Variants in PTPRT observed in about 807,000 individuals in gnomAD.
The protein encoded by PTPRT is protein tyrosine phosphatase receptor type T.
PTPRT carries 56 observed loss-of-function variants against 176.8 expected under a neutral mutation model. The ratio of observed to expected loss-of-function variants is 0.32; its 90% confidence interval spans 0.26 to 0.40. The LOEUF is 0.40. PTPRT is among the 10% of genes least tolerant of loss of function. The pLI is 1.00. For synonymous variants in PTPRT, 783 were observed against 739.0 expected (o/e 1.06, Z -0.96); for missense variants, 1,540 against 1,908.2 (o/e 0.81, Z 3.60).
At chr20:42,130,368 T>C (rs1036585439) in intron 18 of PTPRT, among the ~76,000 whole-genome samples, 6 of 152,182 alleles carry the variant, frequency 3.9e-5, no homozygotes, top group Admixed American at 3.9e-4. Context: ...GAAGCCACAG[T>C]GGGATTCTAG....
chr20:42,623,283 C>T (rs368716986), intron 7 of PTPRT, among the ~76,000 whole-genome samples: 34 of 152,158 alleles, frequency 2.2e-4, no homozygotes, highest in Non-Finnish European at 4.6e-4. Context: ...CTTCAGGAGT[C>T]GCAGACACCC....
chr20:42,068,895 C>T (rs113582653), downstream of PTPRT, among the ~76,000 whole-genome samples: 153 of 152,294 alleles, frequency 1.0e-3, 1 homozygote, highest in African/African-American at 3.4e-3. Flanking sequence ...TGCCATGCCT[C>T]GCCTTAATAG....
Position 42,798,396 on chromosome 20 carries a change from G to A in PTPRT, c.215-6930C>T, listed in dbSNP as rs536919027. Among the ~76,000 whole-genome samples the A allele has an allele frequency of 1.3e-3, 191 of 152,302 alleles. 1 individual carries two copies. The highest frequency in any genetic ancestry group is 1.4e-3 in the Non-Finnish European group (93 of 68,030). On this transcript the variant is annotated intron_variant, in intron 2 of 30. Transcript: ENST00000373187. ...CACTTTCAAGTAAGAAAATGTAGGTGCAAGAGAAGCAGATAGTGCTACCAG... is the reference window on the plus strand; with the variant it reads ...CACTTTCAAGTAAGAAAATGTAGGTACAAGAGAAGCAGATAGTGCTACCAG...
chr20:42,431,127 C>A (rs1391516794), intron 9 of PTPRT, among the ~76,000 whole-genome samples: 2 of 152,192 alleles, frequency 1.3e-5, no homozygotes, highest in African/African-American at 2.4e-5. Context: ...GACTACAATA[C>A]ATTTTGAATT....
intron 2 of PTPRT, among the ~76,000 whole-genome samples, chr20:42,830,763 T>G (rs2078071280): frequency 6.6e-6 from 1 of 151,998 alleles, no homozygotes; most frequent in South Asian, 2.1e-4. Context: ...CCAAGCTGAG[T>G]GCCAAATCAG....
chr20:43,071,824 A>C (rs118047570), intron 1 of PTPRT, among the ~76,000 whole-genome samples: 4,340 of 152,328 alleles, frequency 0.028, 83 homozygotes, highest in Middle Eastern at 0.075. Flanking sequence ...TCACATTTTC[A>C]AAAGAATCTG....
At chr20:42,910,240 A>G (rs977643025) in intron 1 of PTPRT, among the ~76,000 whole-genome samples, 2 of 152,118 alleles carry the variant, frequency 1.3e-5, no homozygotes, top group Non-Finnish European at 2.9e-5. Flanking sequence ...ATTTCCTCCT[A>G]TGAGTTTTTA....
intron 9 of PTPRT, among the ~76,000 whole-genome samples, chr20:42,365,479 C>A (rs551070526): frequency 6.6e-6 from 1 of 151,992 alleles, no homozygotes; most frequent in East Asian, 1.9e-4. Flanking sequence ...CCCCACCCTA[C>A]CCCCACCACT....
downstream of PTPRT, among the ~76,000 whole-genome samples, chr20:42,071,611 G>A (rs147784008): frequency 2.0e-5 from 3 of 152,212 alleles, no homozygotes; most frequent in Non-Finnish European, 4.4e-5. Context: ...GGGTGCATCA[G>A]GAACCACTGG....
chr20:42,859,808 C>G lies in PTPRT; in HGVS notation c.214+25999G>C, dbSNP rs149226345. On this transcript the variant is annotated intron_variant, in intron 2 of 30. Coordinates refer to ENST00000373187, the MANE Select transcript of PTPRT (RefSeq NM_007050.6). ...GGGGTTTCACTGTGTTAGCCAGAAT[C>G]GTCTCTATCTCCTGACCTCGTGATC... Among the ~76,000 whole-genome samples, 469 of 150,872 alleles carry G rather than the reference C, an allele frequency of 3.1e-3. 4 individuals carry two copies. The highest frequency in any genetic ancestry group is 0.01 in the African/African-American group (417 of 41,082).
At chr20:42,399,088 A>T (rs538930689) in intron 9 of PTPRT, among the ~76,000 whole-genome samples, 1 of 152,222 alleles carries the variant, frequency 6.6e-6, no homozygotes, top group Non-Finnish European at 1.5e-5. Flanking sequence ...GGCGTTTGAA[A>T]ACCTCATTTC....
intron 2 of PTPRT, among the ~76,000 whole-genome samples, chr20:42,861,504 A>T (rs1032248354): frequency 6.6e-6 from 1 of 152,196 alleles, no homozygotes; most frequent in Non-Finnish European, 1.5e-5. Context: ...AATTCTGAGT[A>T]CCTACTATGT....
intron 15 of PTPRT, among the ~76,000 whole-genome samples, chr20:42,218,492 A>G (rs1238752228): frequency 6.6e-6 from 1 of 152,186 alleles, no homozygotes; most frequent in Non-Finnish European, 1.5e-5. Flanking sequence ...CCTGAATTAG[A>G]ATGAAGACTT....
chr20:42,220,828 T>G (rs1258685636), intron 15 of PTPRT, among the ~76,000 whole-genome samples: 2 of 152,152 alleles, frequency 1.3e-5, no homozygotes, highest in African/African-American at 4.8e-5. Context: ...GAGGCCAATT[T>G]AAAAAACAAT....
At position 42,915,552 on chromosome 20, in the gene PTPRT, T is replaced by G. The variant is rs528417909; in HGVS notation, c.89-29620A>C. ...ATAGAGGCAGCCACCTTAAGAGTAC[T>G]CCTCACAGCTGGGGACAGGTGAATC... On this transcript the variant is annotated intron_variant, in intron 1 of 30. Transcript: ENST00000373187. Among the ~76,000 whole-genome samples the G allele has an allele frequency of 3.4e-4, 52 of 152,340 alleles. 2 individuals carry two copies. The South Asian group carries it at 0.011, about 32-fold the overall frequency.
chr20:42,106,650 C>T (rs1398608687), intron 24 of PTPRT, 136 bp downstream of exon 24: 2 of 1,207,308 alleles, frequency 1.7e-6, no homozygotes, highest in Non-Finnish European at 2.3e-6. Flanking sequence ...AGCCACGTGT[C>T]TACTCCCTCC....
intron 22 of PTPRT, among the ~76,000 whole-genome samples, chr20:42,113,583 G>C (rs1471763083): frequency 6.6e-6 from 1 of 152,210 alleles, no homozygotes; most frequent in African/African-American, 2.4e-5. Context: ...CACGCCTTAA[G>C]GGGGACAACT....
intron 27 of PTPRT, among the ~76,000 whole-genome samples, chr20:42,096,825 C>T (rs1332147170): frequency 1.4e-5 from 2 of 142,146 alleles, no homozygotes; most frequent in African/African-American, 5.3e-5. Context: ...GGCTTGAACT[C>T]TTGGCCTCCC....
chr20:42,119,687 T>C (rs1987483075), intron 20 of PTPRT, among the ~76,000 whole-genome samples: 1 of 152,206 alleles, frequency 6.6e-6, no homozygotes, highest in Non-Finnish European at 1.5e-5. Flanking sequence ...ATAGTGAAAC[T>C]TGCCACCATT....
Sources: allele counts gnomAD v4.1 joint callset (sites outside exome capture counted in the v4.1 genomes callset), GRCh38; gene constraint gnomAD v4.1.1; transcripts MANE v1.5; gene names NCBI Gene and HGNC (gene_info 2026-07-23, HGNC 2026-07-21).